PRKCB: variants seen among roughly 807,000 people sequenced by gnomAD.
PRKCB encodes protein kinase C beta type.
PRKCB carries 13 observed loss-of-function variants against 81.5 expected under a neutral mutation model. The ratio of observed to expected loss-of-function variants is 0.16; its 90% CI spans 0.10 to 0.25. The LOEUF is 0.25. PRKCB is among the 10% of genes least tolerant of loss of function. PRKCB has a pLI of 1.00. For synonymous variants in PRKCB, 335 were observed against 321.4 expected, an observed-to-expected ratio of 1.04 and a Z score of -0.45; for missense variants, 509 against 875.7, an observed-to-expected ratio of 0.58 and a Z score of 5.29.
intron 16 of PRKCB, among the ~76,000 whole-genome samples, chr16:24,197,270 G>A (rs1210492042): frequency 6.6e-6 from 1 of 152,202 alleles, no homozygotes; most frequent in Non-Finnish European, 1.5e-5. Context: ...GAGATTGGAA[G>A]AGCCAGGTCA....
chr16:24,081,551 C>G (rs2141892872), intron 5 of PRKCB, among the ~76,000 whole-genome samples: 1 of 152,200 alleles, frequency 6.6e-6, no homozygotes, highest in South Asian at 2.1e-4. Flanking sequence ...CATGTCATAA[C>G]CAGCACAGTA....
chr16:23,955,521 G>A (rs73540923), intron 2 of PRKCB, among the ~76,000 whole-genome samples: 2,187 of 152,202 alleles, frequency 0.014, 49 homozygotes, highest in African/African-American at 0.05. Context: ...AGTGTTCTGC[G>A]TTTGGGGACT....
chr16:24,185,553 G>A lies in PRKCB; in HGVS notation c.1708G>A (p.Ala570Thr). ...YPKSMSKEAV[A>T]ICKGLMTKHP... ...CAAGTCTATGTCCAAGGAAGCTGTG[G>A]CCATCTGCAAAGGGGTAAGTGCATC... is the stretch of plus-strand genomic sequence containing the variant. Residue 570 changes from alanine (A) to threonine (T), a missense_variant, in exon 15 of 17, where the codon GCC (alanine) becomes ACC (threonine). Around this residue, in one of 6 missense-constraint regions of PRKCB, gnomAD observed 104 missense variants for 160.5 expected, o/e 0.65. Coordinates refer to ENST00000643927, the MANE Select transcript of PRKCB (RefSeq NM_002738.7). 1 of 1,613,690 alleles carries A rather than the reference G, an allele frequency of 6.2e-7. No individual in the cohort carries two copies.
At chr16:24,035,296 C>T (rs967756072) in intron 4 of PRKCB, 123 bp from the exon 5 acceptor site, 128 of 1,300,534 alleles carry the variant, frequency 9.8e-5, no homozygotes, top group African/African-American at 4.4e-5. Flanking sequence ...CAGCCAGGCT[C>T]GTGTGTCTCA....
chr16:24,108,335 T>TA (rs1222264308), intron 7 of PRKCB, among the ~76,000 whole-genome samples: 3 of 147,612 alleles, frequency 2.0e-5, no homozygotes, highest in African/African-American at 7.6e-5. Flanking sequence ...TTTATTTTAT[T>TA]TTTTTTTAAA....
chr16:23,927,478 C>G (rs532306815), intron 2 of PRKCB, among the ~76,000 whole-genome samples: 1 of 151,890 alleles, frequency 6.6e-6, no homozygotes, highest in East Asian at 1.9e-4. Flanking sequence ...GAGTACAGAG[C>G]CTTTTCTTTT....
intron 7 of PRKCB, among the ~76,000 whole-genome samples, chr16:24,096,664 AAAATATATATATATATATATAT>A (rs1489253032): frequency 3.5e-5 from 3 of 85,438 alleles, no homozygotes; most frequent in East Asian, 8.1e-4. Flanking sequence ...AAAAAAAAAA[AAAATATATATATATATATATAT>A]ATATATATAT....
intron 9 of PRKCB, among the ~76,000 whole-genome samples, chr16:24,124,881 A>G (rs578090843): frequency 2.0e-5 from 3 of 152,280 alleles, no homozygotes; most frequent in South Asian, 4.1e-4. Context: ...GCCATGTACA[A>G]TGCATTGGCG....
At chr16:24,214,256 C>T (rs1426195316) in intron 16 of PRKCB, among the ~76,000 whole-genome samples, 4 of 152,144 alleles carry the variant, frequency 2.6e-5, no homozygotes, top group Non-Finnish European at 1.5e-5. Flanking sequence ...TACTTTGCAT[C>T]TTGCACCACC....
chr16:24,192,096 G>A (rs1967802468), intron 16 of PRKCB, among the ~76,000 whole-genome samples: 1 of 152,182 alleles, frequency 6.6e-6, no homozygotes, highest in South Asian at 2.1e-4. Context: ...ACGTTGTAAG[G>A]GTTTGAGTGT....
At chr16:23,897,008 C>G (rs183595410) in intron 2 of PRKCB, among the ~76,000 whole-genome samples, 2 of 152,234 alleles carry the variant, frequency 1.3e-5, no homozygotes, top group Non-Finnish European at 2.9e-5. Context: ...ACTCATCCAT[C>G]TATCCATTCA....
At chr16:24,123,047 A>G (rs1966820900) in intron 8 of PRKCB, among the ~76,000 whole-genome samples, 1 of 152,236 alleles carries the variant, frequency 6.6e-6, no homozygotes, top group South Asian at 2.1e-4. Context: ...CGTGTCCACA[A>G]CAGTCTCCAA....
chr16:24,053,490 T>C (rs758010569), intron 5 of PRKCB, among the ~76,000 whole-genome samples: 8 of 152,216 alleles, frequency 5.3e-5, no homozygotes, highest in Non-Finnish European at 8.8e-5. Context: ...CTGTAGTTTG[T>C]AGACCTCTGT....
intron 5 of PRKCB, among the ~76,000 whole-genome samples, chr16:24,035,876 T>C (rs1269722959): frequency 6.6e-6 from 1 of 152,182 alleles, no homozygotes; most frequent in Non-Finnish European, 1.5e-5. Flanking sequence ...TTCCCACTCT[T>C]TTTTAGTAAT....
intron 2 of PRKCB, among the ~76,000 whole-genome samples, chr16:23,919,027 G>A (rs548722453): frequency 2.0e-5 from 3 of 152,072 alleles, no homozygotes; most frequent in Admixed American, 6.6e-5. Flanking sequence ...TAGAAATTCC[G>A]TTTAGATACA....
At chr16:24,115,631 C>A (rs1966729145) in intron 8 of PRKCB, among the ~76,000 whole-genome samples, 5 of 151,838 alleles carry the variant, frequency 3.3e-5, no homozygotes, top group Non-Finnish European at 7.4e-5. Context: ...AGCATTTACC[C>A]AAGAGCATTT....
At chr16:24,085,329 C>T (rs1304311258) in intron 5 of PRKCB, among the ~76,000 whole-genome samples, 1 of 152,082 alleles carries the variant, frequency 6.6e-6, no homozygotes, top group Admixed American at 6.6e-5. Context: ...TCTCAGACCT[C>T]CTCCAAGATT....
At chr16:24,120,961 G>T (rs1380454951) in intron 8 of PRKCB, among the ~76,000 whole-genome samples, 2 of 152,098 alleles carry the variant, frequency 1.3e-5, no homozygotes, top group African/African-American at 2.4e-5. Flanking sequence ...CGTGCTGGGG[G>T]GTCTCCTCTC....
chr16:24,077,483 A>T (rs57653725), intron 5 of PRKCB, among the ~76,000 whole-genome samples: 1 of 146,296 alleles, frequency 6.8e-6, no homozygotes, highest in Non-Finnish European at 1.5e-5. Context: ...ACATGCATTC[A>T]TCTCTCCATC....
Sources: allele counts gnomAD v4.1 joint callset (sites outside exome capture counted in the v4.1 genomes callset), GRCh38; gene constraint gnomAD v4.1.1; regional missense constraint gnomAD v4.1.1; transcripts MANE v1.5; gene names NCBI Gene and HGNC (gene_info 2026-07-23, HGNC 2026-07-21).